SLC25A42: variants seen among roughly 807,000 people sequenced by gnomAD.
The protein encoded by SLC25A42 is mitochondrial coenzyme A transporter SLC25A42.
In SLC25A42, 19 loss-of-function variants were observed where a neutral mutation model predicts 34.7. The ratio of observed to expected loss-of-function variants is 0.55; its 90% CI spans 0.38 to 0.80. SLC25A42 has a LOEUF of 0.80. Among genes scored for constraint, SLC25A42 ranks in the 30% least tolerant of loss-of-function variants. The pLI, the probability that SLC25A42 is intolerant of heterozygous loss-of-function variation, is 0.00. For missense variants in SLC25A42, 364 were observed against 441.3 expected (o/e 0.82, Z 1.57); for synonymous variants, 205 against 191.2 (o/e 1.07, Z -0.59).
At chr19:19,088,294 C>T (rs2059718956) in intron 1 of SLC25A42, among the ~76,000 whole-genome samples, 1 of 150,856 alleles carries the variant, frequency 6.6e-6, no homozygotes, top group Non-Finnish European at 1.5e-5. Flanking sequence ...CAAGCTCCGC[C>T]TTCCGGGTTC....
intron 2 of SLC25A42, among the ~76,000 whole-genome samples, chr19:19,097,996 C>T (rs561166959): frequency 1.3e-5 from 2 of 152,004 alleles, no homozygotes; most frequent in Non-Finnish European, 2.9e-5. Context: ...CTTCTTCCCA[C>T]TGTGTTTATG....
Position 19,110,795 on chromosome 19 carries a change from G to A in SLC25A42, c.876G>A (p.Trp292Ter). 3.1e-6 allele frequency: 5 copies of A among 1,613,862 alleles called. No homozygotes were observed. The highest frequency in any genetic ancestry group is 3.4e-6 in the Non-Finnish European group (4 of 1,180,006). The change falls in exon 8 of 8, where the codon TGG becomes TGA. Residue 292 changes from tryptophan (W) to a stop codon, truncating the protein, a stop_gained. Transcript: ENST00000318596. LOFTEE classifies it high-confidence loss of function. ...RGLYKGLSMN[W>*]VKGPIAVGIS... The stretch of plus-strand genomic sequence containing the variant: ...TCTACAAAGGCTTGAGCATGAACTG[G>A]GTCAAGGGTCCCATCGCCGTGGGCA...
chr19:19,077,072 T>C (rs1314882650), intron 1 of SLC25A42, among the ~76,000 whole-genome samples: 2 of 152,164 alleles, frequency 1.3e-5, no homozygotes, highest in Non-Finnish European at 2.9e-5. Flanking sequence ...TAGCCCCAGC[T>C]ACTCAGGAGG....
intron 1 of SLC25A42, among the ~76,000 whole-genome samples, chr19:19,085,747 G>C (rs1235971948): frequency 6.6e-6 from 1 of 152,080 alleles, no homozygotes; most frequent in African/African-American, 2.4e-5. Flanking sequence ...GCAGAAACAG[G>C]CCCTGGAGGA....
At chr19:19,108,642 G>C (rs2059847051) in intron 7 of SLC25A42, among the ~76,000 whole-genome samples, 1 of 152,132 alleles carries the variant, frequency 6.6e-6, no homozygotes, top group Admixed American at 6.6e-5. Flanking sequence ...AAAGCATATG[G>C]GTAAAACCCA....
chr19:19,079,926 G>A (rs1458807786), intron 1 of SLC25A42, among the ~76,000 whole-genome samples: 5 of 152,128 alleles, frequency 3.3e-5, no homozygotes, highest in African/African-American at 1.2e-4. Flanking sequence ...TGGAATTGCT[G>A]GGCCACAATA....
At chr19:19,072,613 C>T (rs1300936070) in intron 1 of SLC25A42, among the ~76,000 whole-genome samples, 1 of 152,110 alleles carries the variant, frequency 6.6e-6, no homozygotes, top group Non-Finnish European at 1.5e-5. Context: ...AAACTCCTGA[C>T]CTCAAGTGAT....
At chr19:19,082,717 G>C (rs2059687662) in intron 1 of SLC25A42, among the ~76,000 whole-genome samples, 1 of 151,886 alleles carries the variant, frequency 6.6e-6, no homozygotes, top group Non-Finnish European at 1.5e-5. Context: ...CTGGGGTTCA[G>C]TGGTGTGATC....
intron 1 of SLC25A42, among the ~76,000 whole-genome samples, chr19:19,091,605 G>T (rs986417251): frequency 6.6e-6 from 1 of 152,150 alleles, no homozygotes; most frequent in Non-Finnish European, 1.5e-5. Context: ...GGCCGGGTGC[G>T]GTGGCTCCCA....
At chr19:19,101,568 G>A (rs2059796329) in intron 2 of SLC25A42, among the ~76,000 whole-genome samples, 1 of 152,192 alleles carries the variant, frequency 6.6e-6, no homozygotes, top group Admixed American at 6.5e-5. Context: ...GATGGTACCT[G>A]TCATCTTGGG....
At chr19:19,100,557 T>C (rs1399107326) in intron 2 of SLC25A42, among the ~76,000 whole-genome samples, 1 of 152,080 alleles carries the variant, frequency 6.6e-6, no homozygotes, top group Non-Finnish European at 1.5e-5. Context: ...CCCCACCTAA[T>C]ACTATGACAC....
intron 1 of SLC25A42, among the ~76,000 whole-genome samples, chr19:19,073,439 A>G (rs751318435): frequency 6.6e-6 from 1 of 152,218 alleles, no homozygotes; most frequent in Non-Finnish European, 1.5e-5. Context: ...GATGCAGAGA[A>G]GTTTGCCAGG....
chr19:19,105,885 T>G, intron 5 of SLC25A42, 158 bp downstream of exon 5: 2 of 648,166 alleles, frequency 3.1e-6, no homozygotes, highest in South Asian at 2.0e-5. Context: ...ACCCAGGCCC[T>G]CCTGAGGGAC....
intron 5 of SLC25A42, 164 bp downstream of exon 5, chr19:19,105,891 G>A: frequency 1.6e-6 from 1 of 636,174 alleles, no homozygotes; most frequent in East Asian, 2.8e-5. Flanking sequence ...GCCCTCCTGA[G>A]GGACCCCCTG....
At chr19:19,069,874 G>C (rs2059620249) in intron 1 of SLC25A42, among the ~76,000 whole-genome samples, 1 of 150,906 alleles carries the variant, frequency 6.6e-6, no homozygotes, top group Admixed American at 6.6e-5. Flanking sequence ...TGCCCAGGCT[G>C]GACTGCAGTG....
At chr19:19,069,796 A>T in intron 1 of SLC25A42, among the ~76,000 whole-genome samples, 1 of 150,658 alleles carries the variant, frequency 6.6e-6, no homozygotes, top group Non-Finnish European at 1.5e-5. Flanking sequence ...CTGGGACTAT[A>T]GGCGCAGGCC....
chr19:19,106,420 G>A (rs2059828664), intron 6 of SLC25A42, 35 bp downstream of exon 6: 5 of 1,542,358 alleles, frequency 3.2e-6, no homozygotes, highest in Non-Finnish European at 4.4e-6. Context: ...CATCAGCCCC[G>A]GGGGCTCTGT....
intron 1 of SLC25A42, among the ~76,000 whole-genome samples, chr19:19,083,060 G>T (rs1664909518): frequency 6.6e-6 from 1 of 152,128 alleles, no homozygotes; most frequent in Admixed American, 6.5e-5. Context: ...GACCTCAGGT[G>T]ATCCACCTGC....
Position 19,106,602 on chromosome 19 carries a change from G to T in SLC25A42, c.497+217G>T, listed in dbSNP as rs966078644. ...ACTTTCTGCTTAGATCAAACCAAGG[G>T]TCTTCATTTTGAACTGGGCACAGAT... On this transcript the variant is annotated intron_variant, in intron 6 of 7. Transcript: ENST00000318596. 10 of 410,348 alleles carry T rather than the reference G, an allele frequency of 2.4e-5. 1 individual carries two copies. Among genetic ancestry groups the T allele is most frequent in the Non-Finnish European group, 4.0e-5 (9 of 227,010 alleles). 25.4% of individuals were successfully genotyped at this position (410,348 alleles called of 1,614,324 possible). A position where few individuals can be genotyped will look rare whatever the true frequency, so the allele number is the denominator to read the frequency against.
Sources: allele counts gnomAD v4.1 joint callset (sites outside exome capture counted in the v4.1 genomes callset), GRCh38; gene constraint gnomAD v4.1.1; transcripts MANE v1.5; gene names NCBI Gene and HGNC (gene_info 2026-07-23, HGNC 2026-07-21).